The following ATF7IP2 variants were observed in gnomAD, a reference collection of about 807,000 sequenced individuals.
ATF7IP2 encodes activating transcription factor 7-interacting protein 2.
In ATF7IP2, 42 loss-of-function variants were observed where a neutral mutation model predicts 64.2. The observed-to-expected ratio is 0.65, with a 90% confidence interval of 0.51 to 0.85. ATF7IP2 has a LOEUF of 0.85. Ranked by LOEUF, ATF7IP2 falls within the 40% of genes least tolerant of loss-of-function variation. ATF7IP2 has a pLI of 0.00. For missense variants in ATF7IP2, 933 were observed against 784.2 expected (o/e 1.19, Z -2.27); for synonymous variants, 308 against 272.8 (o/e 1.13, Z -1.27).
intron 6 of ATF7IP2, among the ~76,000 whole-genome samples, chr16:10,435,788 C>G (rs2048399985): frequency 6.6e-6 from 1 of 152,150 alleles, no homozygotes; most frequent in Non-Finnish European, 1.5e-5. Flanking sequence ...ATACAACTTT[C>G]CAGGCTCCTT....
Position 10,435,207 on chromosome 16 carries a change from G to A in ATF7IP2, c.960+1558G>A, listed in dbSNP as rs1446257733. Among the ~76,000 whole-genome samples, 4 of 152,110 alleles carry A rather than the reference G, an allele frequency of 2.6e-5. No individual in the cohort carries two copies. The South Asian group carries it at 6.2e-4, about 24-fold the overall frequency. ...GAATCTCAATGAGATAGCCCTCCCCGTCATTCTGACATTGTTCTCCCCTAC... is the reference window on the plus strand; with the variant it reads ...GAATCTCAATGAGATAGCCCTCCCCATCATTCTGACATTGTTCTCCCCTAC... On this transcript the variant is annotated intron_variant, in intron 6 of 13. Coordinates refer to ENST00000562102, the MANE Select transcript of ATF7IP2 (RefSeq NM_001393719.1).
At chr16:10,423,322 A>G (rs1405289261) in intron 3 of ATF7IP2, among the ~76,000 whole-genome samples, 1 of 152,232 alleles carries the variant, frequency 6.6e-6, no homozygotes. Context: ...TGGAGACAGC[A>G]ACATTCTTGA....
At chr16:10,431,816 A>ATT (rs2048266690) in intron 5 of ATF7IP2, among the ~76,000 whole-genome samples, 1 of 122,462 alleles carries the variant, frequency 8.2e-6, no homozygotes, top group Middle Eastern at 4.1e-3. Flanking sequence ...TGGTAACCCT[A>ATT]TTTCTTTTTT....
intron 12 of ATF7IP2, among the ~76,000 whole-genome samples, chr16:10,479,425 C>T (rs966447041): frequency 5.9e-5 from 9 of 152,232 alleles, no homozygotes; most frequent in Admixed American, 5.2e-4. Flanking sequence ...ACCACATATT[C>T]TCACTCATAG....
intron 2 of ATF7IP2, among the ~76,000 whole-genome samples, chr16:10,416,865 T>C (rs2047889968): frequency 6.6e-6 from 1 of 152,222 alleles, no homozygotes; most frequent in Non-Finnish European, 1.5e-5. Flanking sequence ...TGGGTGACTA[T>C]AGTCATCAAT....
chr16:10,409,249 G>C (rs1339325021), intron 1 of ATF7IP2, among the ~76,000 whole-genome samples: 1 of 152,126 alleles, frequency 6.6e-6, no homozygotes, highest in African/African-American at 2.4e-5. Flanking sequence ...TGGAATGGGT[G>C]CAGAGTTAGC....
rs1361620568 is a variant in ATF7IP2, at chr16:10,472,110, TAAC to T, written c.1356_1358del (p.Asn453del). 1.3e-6 allele frequency: 2 copies of T among 1,516,806 alleles called. No homozygotes were observed. Among genetic ancestry groups the T allele is most frequent in the Non-Finnish European group, 1.8e-6 (2 of 1,109,600 alleles). 94.0% of individuals were successfully genotyped at this position (1,516,806 alleles called of 1,614,324 possible). ...TTTTAATTTCTTTTTATCATTTTAG[TAAC>T]AATGATGATGTTATGTTGATTTCTG... On this transcript the variant is annotated inframe_deletion and splice_region_variant, in exon 10 of 14. Coordinates refer to ENST00000562102, the MANE Select transcript of ATF7IP2 (RefSeq NM_001393719.1).
intron 10 of ATF7IP2, among the ~76,000 whole-genome samples, chr16:10,472,474 G>T (rs572369241): frequency 2.8e-4 from 42 of 151,858 alleles, no homozygotes; most frequent in African/African-American, 9.7e-4. Context: ...GTTTGCCCTG[G>T]CCTTTTTTTG....
intron 1 of ATF7IP2, among the ~76,000 whole-genome samples, chr16:10,413,135 G>A (rs1426165839): frequency 6.6e-6 from 1 of 152,126 alleles, no homozygotes; most frequent in Non-Finnish European, 1.5e-5. Flanking sequence ...TGTCTTTTAA[G>A]TGGAGCATTT....
intron 1 of ATF7IP2, among the ~76,000 whole-genome samples, chr16:10,397,870 A>G (rs964096612): frequency 6.6e-6 from 1 of 152,252 alleles, no homozygotes; most frequent in African/African-American, 2.4e-5. Context: ...AAAAAAAAAA[A>G]AAAGGCAAAG....
chr16:10,425,194 G>T (rs2048060668), intron 3 of ATF7IP2, among the ~76,000 whole-genome samples: 1 of 150,332 alleles, frequency 6.7e-6, no homozygotes, highest in East Asian at 1.9e-4. Context: ...GAGTAGCTGG[G>T]TTTACAGGTG....
At chr16:10,423,837 C>T (rs190127043) in intron 3 of ATF7IP2, among the ~76,000 whole-genome samples, 198 of 152,240 alleles carry the variant, frequency 1.3e-3, no homozygotes, top group African/African-American at 4.5e-3. Context: ...CTGATGCTTC[C>T]GAGCTCCCCT....
chr16:10,457,338 C>T (rs766980790), intron 8 of ATF7IP2, 34 bp from the exon 9 acceptor site: 142 of 1,566,808 alleles, frequency 9.1e-5, no homozygotes, highest in Non-Finnish European at 1.1e-4. Flanking sequence ...TGGTAAAATT[C>T]CCTTCAACTG....
chr16:10,408,455 C>T (rs1323824482), intron 1 of ATF7IP2, among the ~76,000 whole-genome samples: 1 of 152,158 alleles, frequency 6.6e-6, no homozygotes, highest in East Asian at 1.9e-4. Flanking sequence ...ACATTCCCAC[C>T]AGCAGCATAG....
intron 9 of ATF7IP2, 86 bp downstream of exon 9, chr16:10,457,615 A>G: frequency 9.9e-7 from 1 of 1,010,260 alleles, no homozygotes; most frequent in Non-Finnish European, 1.4e-6. Flanking sequence ...TCTTTGTAAT[A>G]TTGATTATTC....
chr16:10,437,044 G>A (rs1201462342), intron 6 of ATF7IP2, among the ~76,000 whole-genome samples: 6 of 146,476 alleles, frequency 4.1e-5, no homozygotes, highest in Non-Finnish European at 6.0e-5. Flanking sequence ...TTTTTGAGAC[G>A]GAGTCTCGCT....
intron 1 of ATF7IP2, chr16:10,386,961 T>G (rs931048168): frequency 6.6e-6 from 1 of 152,228 alleles, no homozygotes; most frequent in Non-Finnish European, 1.5e-5. Context: ...CACGTGTTCC[T>G]TCCTTTACGA....
intron 9 of ATF7IP2, among the ~76,000 whole-genome samples, chr16:10,470,656 A>G (rs141422469): frequency 1.3e-5 from 2 of 152,064 alleles, no homozygotes; most frequent in African/African-American, 4.8e-5. Flanking sequence ...CTGGTGACAC[A>G]TGCTGTCATC....
At chr16:10,389,919 C>A (rs1363982770) in intron 1 of ATF7IP2, among the ~76,000 whole-genome samples, 1 of 152,150 alleles carries the variant, frequency 6.6e-6, no homozygotes, top group Non-Finnish European at 1.5e-5. Context: ...CTATATAACT[C>A]TTAAAGGGCC....
Sources: gnomAD v4.1 joint callset for allele counts (sites outside exome capture counted in the v4.1 genomes callset) on GRCh38, gnomAD v4.1.1 for gene constraint, MANE v1.5 for transcripts, NCBI Gene and HGNC (gene_info 2026-07-23, HGNC 2026-07-21) for gene names.